NCOR1: variants seen among roughly 807,000 people sequenced by gnomAD.
The protein encoded by NCOR1 is nuclear receptor corepressor 1.
NCOR1 carries 63 observed loss-of-function variants against 288.1 expected under a neutral mutation model. The ratio of observed to expected loss-of-function variants is 0.22; its 90% CI spans 0.18 to 0.27. The LOEUF is 0.27. Among genes scored for constraint, NCOR1 ranks in the 10% least tolerant of loss-of-function variants. The pLI is 1.00. For missense variants in NCOR1, 2,397 were observed against 3,019.2 expected, an observed-to-expected ratio of 0.79 and a Z score of 4.83; for synonymous variants, 1,007 against 1,065.9, an observed-to-expected ratio of 0.94 and a Z score of 1.08.
intron 41 of NCOR1, among the ~76,000 whole-genome samples, chr17:16,048,172 T>C (rs1597829640): frequency 6.6e-6 from 1 of 152,046 alleles, no homozygotes; most frequent in Admixed American, 6.6e-5. Context: ...CAGTGGAGGG[T>C]TCAGCACTAG....
At chr17:16,210,913 A>T (rs1234372969) in intron 1 of NCOR1, among the ~76,000 whole-genome samples, 1 of 151,946 alleles carries the variant, frequency 6.6e-6, no homozygotes, top group African/African-American at 2.4e-5. Context: ...GTATTTTTTT[A>T]GTAGAGACAG....
chr17:16,152,057 A>T, intron 7 of NCOR1, 59 bp from the exon 8 acceptor site: 2 of 1,164,804 alleles, frequency 1.7e-6, no homozygotes, highest in Non-Finnish European at 2.5e-6. Context: ...ATGAAGAGAC[A>T]AAGAAACATA....
chr17:16,093,562 T>C (rs1045966250), intron 21 of NCOR1, among the ~76,000 whole-genome samples: 3 of 152,240 alleles, frequency 2.0e-5, no homozygotes, highest in African/African-American at 7.2e-5. Context: ...AAATACCTCA[T>C]GAATAACAAA....
At chr17:16,187,032 A>C (rs1003714387) in intron 2 of NCOR1, among the ~76,000 whole-genome samples, 1 of 152,214 alleles carries the variant, frequency 6.6e-6, no homozygotes, top group South Asian at 2.1e-4. Context: ...ATTCATAATG[A>C]GTAAGCTGGA....
intron 21 of NCOR1, among the ~76,000 whole-genome samples, chr17:16,097,257 G>C (rs1421386539): frequency 1.3e-5 from 2 of 152,204 alleles, no homozygotes; most frequent in Admixed American, 6.5e-5. Context: ...ACTTCTTTGG[G>C]GATTGGGGTA....
At chr17:16,133,816 C>T (rs1378779232) in intron 14 of NCOR1, among the ~76,000 whole-genome samples, 2 of 152,200 alleles carry the variant, frequency 1.3e-5, no homozygotes, top group Non-Finnish European at 2.9e-5. Context: ...GGCAACTCCA[C>T]AGGTCAAAAC....
At chr17:16,205,444 G>T (rs775165531) in intron 1 of NCOR1, among the ~76,000 whole-genome samples, 2 of 151,384 alleles carry the variant, frequency 1.3e-5, no homozygotes, top group African/African-American at 2.4e-5. Context: ...CTAACATGGT[G>T]AAACCCCATC....
intron 11 of NCOR1, among the ~76,000 whole-genome samples, chr17:16,140,159 T>C: frequency 6.6e-6 from 1 of 151,934 alleles, no homozygotes; most frequent in East Asian, 1.9e-4. Flanking sequence ...AAGGGCTGAA[T>C]GTCATTTCAA....
chr17:16,034,778 C>T lies in NCOR1; in HGVS notation c.7122G>A (p.Arg2374=). The change falls in exon 45 of 46, where the codon AGG becomes AGA. Residue 2374 remains arginine (R), a synonymous_variant. Coordinates refer to ENST00000268712, the MANE Select transcript of NCOR1 (RefSeq NM_006311.4). ...CAGAATCCTTACCTGTTGAAGAGGG[C>T]CTGTCTTCCCAGGCCCACCCTGGCG... The part of the protein sequence containing the change: ...RQTPGWAWED[R]PSSTGSTQFP... The T allele has an allele frequency of 6.2e-7, 1 of 1,612,778 alleles. No homozygotes were observed. Among genetic ancestry groups the T allele is most frequent in the Non-Finnish European group, 8.5e-7 (1 of 1,179,432 alleles).
At chr17:16,041,971 C>CGT (rs1171052826) in intron 42 of NCOR1, among the ~76,000 whole-genome samples, 3 of 151,684 alleles carry the variant, frequency 2.0e-5, no homozygotes, top group Non-Finnish European at 4.4e-5. Flanking sequence ...CTCCTGACCT[C>CGT]GATATGCCCG....
chr17:16,141,989 A>G (rs1187000930), intron 11 of NCOR1, among the ~76,000 whole-genome samples: 1 of 152,182 alleles, frequency 6.6e-6, no homozygotes, highest in Non-Finnish European at 1.5e-5. Flanking sequence ...GAATTTTCAC[A>G]GTTTAAATAA....
chr17:16,157,762 C>T (rs1306685864), intron 6 of NCOR1, among the ~76,000 whole-genome samples: 3 of 148,984 alleles, frequency 2.0e-5, no homozygotes. Flanking sequence ...CACTGTTAAA[C>T]AGACACTTTC....
At chr17:16,157,127 T>A (rs2079945205) in intron 6 of NCOR1, among the ~76,000 whole-genome samples, 1 of 152,162 alleles carries the variant, frequency 6.6e-6, no homozygotes, top group Non-Finnish European at 1.5e-5. Context: ...GAGGACTTTT[T>A]TTTTTTAAAA....
At chr17:16,199,432 A>G (rs1182717734) in intron 1 of NCOR1, among the ~76,000 whole-genome samples, 1 of 152,166 alleles carries the variant, frequency 6.6e-6, no homozygotes, top group Non-Finnish European at 1.5e-5. Context: ...CAAAAGTCTT[A>G]AATGAAAGCT....
intron 41 of NCOR1, among the ~76,000 whole-genome samples, chr17:16,047,774 G>T (rs897843913): frequency 6.6e-6 from 1 of 152,108 alleles, no homozygotes; most frequent in Non-Finnish European, 1.5e-5. Flanking sequence ...GAGACTATAG[G>T]TTATTGAAAA....
chr17:16,197,542 T>C (rs986536539), intron 1 of NCOR1, among the ~76,000 whole-genome samples: 1 of 152,094 alleles, frequency 6.6e-6, no homozygotes, highest in Non-Finnish European at 1.5e-5. Flanking sequence ...AAGGTTGAGA[T>C]TACCCAACTA....
chr17:16,134,526 G>C (rs1422929370), intron 14 of NCOR1, among the ~76,000 whole-genome samples: 1 of 152,166 alleles, frequency 6.6e-6, no homozygotes, highest in Non-Finnish European at 1.5e-5. Flanking sequence ...TTTGAAACAT[G>C]CAACAAGAAT....
chr17:16,215,500 C>T lies in NCOR1; in HGVS notation c.-209G>A, dbSNP rs1033516035. On this transcript the variant is annotated 5_prime_UTR_variant, in exon 1 of 46. Coordinates refer to ENST00000268712, the MANE Select transcript of NCOR1 (RefSeq NM_006311.4). ...ACTCCAGCCGCCGCCGCCGCCGCGG[C>T]TGCTGCTTCGCCACCTTGGCCGCCA... 4 of 398,640 alleles carry T rather than the reference C, an allele frequency of 1.0e-5. No individual in the cohort carries two copies. The highest frequency in any genetic ancestry group is 1.8e-5 in the Non-Finnish European group (4 of 226,284). The allele number at this position is 398,640 out of a possible 1,614,324, so 24.7% of individuals were successfully genotyped here.
chr17:16,043,444 A>G (rs2152099774), intron 42 of NCOR1, among the ~76,000 whole-genome samples: 1 of 152,356 alleles, frequency 6.6e-6, no homozygotes, highest in South Asian at 2.1e-4. Context: ...TTCTGTTAGT[A>G]CTTCCCTTAA....
Sources: gnomAD v4.1 joint callset for allele counts (sites outside exome capture counted in the v4.1 genomes callset) on GRCh38, gnomAD v4.1.1 for gene constraint, MANE v1.5 for transcripts, NCBI Gene and HGNC (gene_info 2026-07-23, HGNC 2026-07-21) for gene names.